Variants in USP40 observed in about 807,000 individuals in gnomAD.
USP40 encodes ubiquitin carboxyl-terminal hydrolase 40.
USP40 carries 143 observed loss-of-function variants against 166.2 expected under a neutral mutation model. That is an observed-to-expected ratio of 0.86 (90% CI 0.75 to 0.99). The LOEUF is 0.99. Among genes scored for constraint, USP40 ranks in the 50% least tolerant of loss-of-function variants. The probability of loss-of-function intolerance (pLI) is 0.00; values close to 1 mark genes in which losing one functional copy is unlikely to be tolerated. For synonymous variants in USP40, 498 were observed against 524.0 expected, an observed-to-expected ratio of 0.95 and a Z score of 0.68; for missense variants, 1,444 against 1,479.7, an observed-to-expected ratio of 0.98 and a Z score of 0.40.
intron 9 of USP40, among the ~76,000 whole-genome samples, chr2:233,541,750 A>C (rs1373112692): frequency 2.0e-5 from 3 of 152,232 alleles, no homozygotes; most frequent in Non-Finnish European, 4.4e-5. Flanking sequence ...TTTAAAAGTC[A>C]TCTACTTGAG....
chr2:233,562,856 A>C, intron 2 of USP40, 53 bp from the exon 3 acceptor site: 1 of 1,432,358 alleles, frequency 7.0e-7, no homozygotes, highest in Non-Finnish European at 9.3e-7. Flanking sequence ...CATTTTAAAA[A>C]ATTGTTTTAG....
At position 233,496,782 on chromosome 2, in the gene USP40, T is replaced by C. The variant is rs780403061; in HGVS notation, c.2766A>G (p.Leu922=). 8 of 1,612,660 alleles carry C rather than the reference T, an allele frequency of 5.0e-6. No individual in the cohort carries two copies. Among genetic ancestry groups the C allele is most frequent in the Non-Finnish European group, 6.8e-6 (8 of 1,179,426 alleles). The part of the protein sequence containing the change: ...LLICSGDTLL[L]IEGQLPPLGF... ...CCAGAGGAGGAAGTTGTCCTTCAATTAAAAGCAAAGTATCTCCAGAACATA... is the reference window on the plus strand; with the variant it reads ...CCAGAGGAGGAAGTTGTCCTTCAATCAAAAGCAAAGTATCTCCAGAACATA... Residue 922 remains leucine (L), a synonymous_variant, in exon 24 of 32, where the codon TTA becomes TTG. Transcript: ENST00000678225.
intron 26 of USP40, 128 bp downstream of exon 26, chr2:233,491,039 C>T (rs1220170806): frequency 2.5e-6 from 2 of 813,088 alleles, no homozygotes; most frequent in Non-Finnish European, 4.2e-6. Context: ...TACCACTGAA[C>T]ATGGCATATG....
At chr2:233,525,614 A>G in intron 13 of USP40, 52 bp from the exon 14 acceptor site, 1 of 1,372,720 alleles carries the variant, frequency 7.3e-7, no homozygotes. Flanking sequence ...ACATATACAT[A>G]TCACCTTTCC....
intron 20 of USP40, among the ~76,000 whole-genome samples, chr2:233,511,030 A>C (rs2066797282): frequency 1.3e-5 from 2 of 152,152 alleles, no homozygotes; most frequent in Non-Finnish European, 2.9e-5. Context: ...AGTGGTTGGG[A>C]AAGTAATGAA....
chr2:233,523,934 C>G (rs547362256), intron 15 of USP40, among the ~76,000 whole-genome samples: 2 of 152,126 alleles, frequency 1.3e-5, no homozygotes, highest in South Asian at 4.1e-4. Flanking sequence ...GTTCTTCACA[C>G]GACGAGGGCC....
intron 1 of USP40, 96 bp downstream of exon 1, chr2:233,566,588 C>G (rs143663553): frequency 0.015 from 11,119 of 718,120 alleles, 103 homozygotes; most frequent in Middle Eastern, 0.022. Flanking sequence ...CAGGCCTGGG[C>G]AGCCTCTCGC....
chr2:233,516,107 A>G (rs1017884359), intron 18 of USP40, among the ~76,000 whole-genome samples: 1 of 152,160 alleles, frequency 6.6e-6, no homozygotes, highest in African/African-American at 2.4e-5. Context: ...TGCGAAAACC[A>G]TTCTTTGCCC....
chr2:233,529,331 T>C (rs992993159), intron 12 of USP40, 100 bp downstream of exon 12: 1 of 974,424 alleles, frequency 1.0e-6, no homozygotes, highest in East Asian at 2.9e-5. Context: ...AAGTTGACTA[T>C]TTTTTTTCTT....
chr2:233,498,807 C>G (rs565426352), intron 22 of USP40, among the ~76,000 whole-genome samples, 195 bp from the exon 23 acceptor site: 1 of 152,312 alleles, frequency 6.6e-6, no homozygotes, highest in East Asian at 1.9e-4. Flanking sequence ...TCATCAAGCT[C>G]ACTGACATGA....
At chr2:233,545,023 A>G (rs2069778348) in intron 8 of USP40, among the ~76,000 whole-genome samples, 1 of 152,186 alleles carries the variant, frequency 6.6e-6, no homozygotes, top group East Asian at 1.9e-4. Context: ...CTTTTAACTC[A>G]GTCCTCAAAT....
In USP40 at chr2:233,493,656, A is replaced by G; in HGVS notation, c.2791-105T>C. On this transcript the variant is annotated intron_variant, in intron 24 of 31. Transcript: ENST00000678225. This position sits in a 1 kb window ranked among gnomAD's most constrained non-coding sequence, Gnocchi z 4.7. The stretch of plus-strand genomic sequence containing the variant: ...CCTTGATGACCTAAGATGTTCTTGA[A>G]CTTATCATTTTTCCTTTTAGATTTA... 1 of 1,259,832 alleles carries G rather than the reference A, an allele frequency of 7.9e-7. No homozygotes were observed. Among genetic ancestry groups the G allele is most frequent in the Non-Finnish European group, 1.1e-6 (1 of 948,388 alleles). 78.0% of individuals were successfully genotyped at this position (1,259,832 alleles called of 1,614,324 possible).
chr2:233,483,391 T>C (rs1219143062), intron 30 of USP40, among the ~76,000 whole-genome samples: 1 of 152,116 alleles, frequency 6.6e-6, no homozygotes, highest in Non-Finnish European at 1.5e-5. Context: ...CTTGGGAGGC[T>C]AACGTGGGAG....
chr2:233,503,663 T>A (rs2066226784), intron 21 of USP40, among the ~76,000 whole-genome samples: 1 of 152,102 alleles, frequency 6.6e-6, no homozygotes, highest in Admixed American at 6.6e-5. Context: ...GAATATCATA[T>A]CCAGCAAAGC....
At chr2:233,522,631 T>C (rs1007939947) in intron 16 of USP40, among the ~76,000 whole-genome samples, 2 of 152,298 alleles carry the variant, frequency 1.3e-5, no homozygotes, top group African/African-American at 4.8e-5. Flanking sequence ...GACAAAGAGA[T>C]GCAGCTTTAA....
chr2:233,535,736 A>G (rs549851598), intron 10 of USP40, among the ~76,000 whole-genome samples: 1 of 152,328 alleles, frequency 6.6e-6, no homozygotes, highest in Non-Finnish European at 1.5e-5. Flanking sequence ...ATGAGATTAT[A>G]TGGAGCAGGG....
intron 30 of USP40, among the ~76,000 whole-genome samples, chr2:233,485,175 C>T (rs988746512): frequency 6.6e-6 from 1 of 152,178 alleles, no homozygotes; most frequent in African/African-American, 2.4e-5. Context: ...CTATTCTTCA[C>T]GCTGCCCTCC....
intron 17 of USP40, among the ~76,000 whole-genome samples, chr2:233,520,310 G>A (rs1054215834): frequency 3.3e-5 from 5 of 152,110 alleles, no homozygotes; most frequent in Non-Finnish European, 7.4e-5. Context: ...CTCACTTAGG[G>A]TCAAGGTACT....
intron 8 of USP40, among the ~76,000 whole-genome samples, chr2:233,547,225 C>T: frequency 6.6e-6 from 1 of 152,124 alleles, no homozygotes; most frequent in East Asian, 1.9e-4. Context: ...AATCAACATA[C>T]TAAAGAAAGT....
Sources: allele counts gnomAD v4.1 joint callset (sites outside exome capture counted in the v4.1 genomes callset), GRCh38; gene constraint gnomAD v4.1.1; non-coding constraint Gnocchi (gnomAD v3.1); transcripts MANE v1.5; gene names NCBI Gene and HGNC (gene_info 2026-07-23, HGNC 2026-07-21).